Variants in VWC2L observed in about 807,000 individuals in gnomAD.
VWC2L encodes von Willebrand factor C domain-containing protein 2-like.
A neutral mutation model predicts 21.6 loss-of-function variants in VWC2L; 10 were observed. The observed-to-expected ratio is 0.46, with a 90% CI of 0.29 to 0.78. The LOEUF (loss-of-function observed/expected upper bound fraction) is 0.78, where lower values mean the gene tolerates loss of function less well. Ranked by LOEUF, VWC2L falls within the 30% of genes least tolerant of loss-of-function variation. VWC2L has a pLI of 0.10. For synonymous variants in VWC2L, 96 were observed against 94.3 expected, an observed-to-expected ratio of 1.02 and a Z score of -0.10; for missense variants, 209 against 277.1, an observed-to-expected ratio of 0.75 and a Z score of 1.74.
rs541186390 is a variant in VWC2L at position 214,433,211 on chromosome 2, A to G, written c.391-3418A>G. Reference sequence around the variant, plus strand: ...TATATAAATATATGTATAAACAAATACATTTGACCGCTAATCCTAATTTCA... The same window carrying G: ...TATATAAATATATGTATAAACAAATGCATTTGACCGCTAATCCTAATTTCA... On this transcript the variant is annotated intron_variant, in intron 2 of 3. Coordinates refer to ENST00000312504, the MANE Select transcript of VWC2L (RefSeq NM_001080500.4). Among the ~76,000 whole-genome samples the G allele has an allele frequency of 7.0e-5, 10 of 142,408 alleles. No individual in the cohort carries two copies. The East Asian group carries it at 1.9e-3, about 27-fold the overall frequency. 93.4% of individuals were successfully genotyped at this position (142,408 alleles called of 152,430 possible).
intron 2 of VWC2L, 52 bp from the exon 3 acceptor site, chr2:214,436,577 T>TGCAA: frequency 6.2e-7 from 1 of 1,600,890 alleles, no homozygotes; most frequent in Non-Finnish European, 8.5e-7. Flanking sequence ...CATATGAATG[T>TGCAA]GCAAGCATTA....
intron 3 of VWC2L, among the ~76,000 whole-genome samples, chr2:214,451,409 G>T (rs1702953493): frequency 6.6e-6 from 1 of 151,866 alleles, no homozygotes; most frequent in Non-Finnish European, 1.5e-5. Context: ...GAAAGGAAGG[G>T]TCAGACCCCA....
chr2:214,494,112 T>G (rs1224317883), intron 3 of VWC2L, among the ~76,000 whole-genome samples: 1 of 152,150 alleles, frequency 6.6e-6, no homozygotes, highest in African/African-American at 2.4e-5. Context: ...TACAGTATTT[T>G]ATGTTAAATT....
intron 2 of VWC2L, among the ~76,000 whole-genome samples, chr2:214,434,309 A>G (rs1223918554): frequency 2.0e-5 from 3 of 152,172 alleles, no homozygotes; most frequent in African/African-American, 7.2e-5. Flanking sequence ...ACCAGGTTCC[A>G]AAGCTTGAAG....
chr2:214,574,914 G>T (rs1439647098), intron 3 of VWC2L, among the ~76,000 whole-genome samples: 1 of 151,530 alleles, frequency 6.6e-6, no homozygotes, highest in Non-Finnish European at 1.5e-5. Context: ...TGAAATTGGT[G>T]AATTTTTTCA....
chr2:214,535,894 C>T (rs1689519943), intron 3 of VWC2L, among the ~76,000 whole-genome samples: 1 of 151,960 alleles, frequency 6.6e-6, no homozygotes, highest in Non-Finnish European at 1.5e-5. Flanking sequence ...ATATATACTC[C>T]CCTCTAAAAG....
intron 3 of VWC2L, among the ~76,000 whole-genome samples, chr2:214,443,839 A>G (rs1311582991): frequency 6.6e-6 from 1 of 152,192 alleles, no homozygotes; most frequent in Non-Finnish European, 1.5e-5. Flanking sequence ...AGCTAATGTA[A>G]TTAGAAAAGA....
chr2:214,503,880 A>T (rs1419686072), intron 3 of VWC2L, among the ~76,000 whole-genome samples: 1 of 152,170 alleles, frequency 6.6e-6, no homozygotes, highest in Admixed American at 6.5e-5. Context: ...CTACCATTAA[A>T]CTGTTGGCTC....
chr2:214,542,137 A>G (rs532192222), intron 3 of VWC2L, among the ~76,000 whole-genome samples: 1 of 152,184 alleles, frequency 6.6e-6, no homozygotes, highest in South Asian at 2.1e-4. Flanking sequence ...TCACCACTAG[A>G]TTATTAACAC....
chr2:214,549,522 C>T (rs530708543), intron 3 of VWC2L, among the ~76,000 whole-genome samples: 128 of 152,332 alleles, frequency 8.4e-4, no homozygotes, highest in Non-Finnish European at 1.4e-3. Flanking sequence ...CGACTGTAAT[C>T]CCAGCACTTT....
intron 3 of VWC2L, among the ~76,000 whole-genome samples, chr2:214,526,192 T>G (rs1210227656): frequency 6.6e-6 from 1 of 151,706 alleles, no homozygotes; most frequent in Non-Finnish European, 1.5e-5. Context: ...AAGCAGACAA[T>G]GGATACTCTG....
chr2:214,457,996 A>G (rs139391956), intron 3 of VWC2L, among the ~76,000 whole-genome samples: 79 of 152,096 alleles, frequency 5.2e-4, no homozygotes, highest in African/African-American at 1.9e-3. Flanking sequence ...AGTTGGAGAA[A>G]ATTTCCTCCT....
chr2:214,572,245 A>G (rs567583763), intron 3 of VWC2L, among the ~76,000 whole-genome samples: 1 of 152,314 alleles, frequency 6.6e-6, no homozygotes, highest in South Asian at 2.1e-4. Context: ...TAGACCCCAG[A>G]AGGAGGAGAG....
At chr2:214,535,075 C>T (rs1178836285) in intron 3 of VWC2L, among the ~76,000 whole-genome samples, 1 of 152,004 alleles carries the variant, frequency 6.6e-6, no homozygotes, top group Non-Finnish European at 1.5e-5. Flanking sequence ...GCAATATAGG[C>T]AGTATTTCAA....
chr2:214,471,502 CACTT>C (rs1220470595), intron 3 of VWC2L, among the ~76,000 whole-genome samples: 1 of 152,146 alleles, frequency 6.6e-6, no homozygotes, highest in African/African-American at 2.4e-5. Context: ...CATGTAATCT[CACTT>C]AATCTTCACA....
intron 3 of VWC2L, among the ~76,000 whole-genome samples, chr2:214,482,146 C>T (rs1041964544): frequency 4.6e-5 from 7 of 152,054 alleles, no homozygotes; most frequent in African/African-American, 1.4e-4. Context: ...AATGAACAGT[C>T]GCAATAGGTC....
intron 2 of VWC2L, among the ~76,000 whole-genome samples, chr2:214,435,553 GAAGAA>G (rs1280258018): frequency 6.6e-6 from 1 of 152,172 alleles, no homozygotes; most frequent in Non-Finnish European, 1.5e-5. Flanking sequence ...CAGATCCAGG[GAAGAA>G]ATAAGAGCTG....
chr2:214,536,379 C>T (rs2105918636), intron 3 of VWC2L, among the ~76,000 whole-genome samples: 1 of 152,156 alleles, frequency 6.6e-6, no homozygotes, highest in Non-Finnish European at 1.5e-5. Context: ...TGAATTAAAG[C>T]AAAGTTCATG....
At chr2:214,518,221 A>G (rs896957454) in intron 3 of VWC2L, among the ~76,000 whole-genome samples, 3 of 152,336 alleles carry the variant, frequency 2.0e-5, no homozygotes, top group Middle Eastern at 3.4e-3. Flanking sequence ...CCTGGAGTCA[A>G]ATTACTTGTA....
Sources: allele counts gnomAD v4.1 joint callset (sites outside exome capture counted in the v4.1 genomes callset), GRCh38; gene constraint gnomAD v4.1.1; transcripts MANE v1.5; gene names NCBI Gene and HGNC (gene_info 2026-07-23, HGNC 2026-07-21).